The following IMPG1 variants were observed in gnomAD, a reference collection of about 807,000 sequenced individuals.
IMPG1 encodes the protein interphotoreceptor matrix proteoglycan 1.
Under a neutral mutation model 92.0 loss-of-function variants are expected in IMPG1, and 85 were observed. That is an observed-to-expected ratio of 0.92 (90% CI 0.78 to 1.11). The LOEUF is 1.11. IMPG1 is among the 50% of genes least tolerant of loss of function. The probability of loss-of-function intolerance (pLI) is 0.00; values close to 1 mark genes in which losing one functional copy is unlikely to be tolerated. For missense variants in IMPG1, 1,022 were observed against 956.0 expected, an observed-to-expected ratio of 1.07 and a Z score of -0.91; for synonymous variants, 367 against 334.1, an observed-to-expected ratio of 1.10 and a Z score of -1.08.
intron 12 of IMPG1, among the ~76,000 whole-genome samples, chr6:75,959,388 C>A (rs1042219151): frequency 7.9e-5 from 12 of 152,188 alleles, no homozygotes; most frequent in African/African-American, 2.9e-4. Flanking sequence ...TATCAGAGCT[C>A]AAGTGCTGTA....
chr6:76,007,876 A>T (rs965381232), intron 8 of IMPG1, among the ~76,000 whole-genome samples: 8 of 152,214 alleles, frequency 5.3e-5, no homozygotes, highest in African/African-American at 1.2e-4. Flanking sequence ...AGAACATTTT[A>T]AAAAAGTATT....
Position 75,951,027 on chromosome 6 carries a change from T to C in IMPG1, c.1359A>G (p.Ala453=). The C allele has an allele frequency of 1.2e-6, 2 of 1,613,770 alleles. No individual in the cohort carries two copies. The highest frequency in any genetic ancestry group is 1.7e-6 in the Non-Finnish European group (2 of 1,179,840). ...SLSEAPPFFM[A]SSIFSLTDQG... ...GATCAGTCAGAGAGAAGATGCTTGATGCCATAAAGAAAGGTGGAGCTTCTG... is the reference window on the plus strand; with the variant it reads ...GATCAGTCAGAGAGAAGATGCTTGACGCCATAAAGAAAGGTGGAGCTTCTG... Residue 453 remains alanine, a synonymous_variant, in exon 13 of 17, where the codon GCA becomes GCG. Coordinates refer to ENST00000369950, the MANE Select transcript of IMPG1 (RefSeq NM_001563.4).
At chr6:76,026,069 C>T (rs940586895) in intron 4 of IMPG1, among the ~76,000 whole-genome samples, 2 of 152,124 alleles carry the variant, frequency 1.3e-5, no homozygotes, top group African/African-American at 4.8e-5. Context: ...TGTGTGGAAC[C>T]TGGGATTCAA....
chr6:76,026,631 C>T (rs537791596), intron 4 of IMPG1, among the ~76,000 whole-genome samples: 6 of 152,364 alleles, frequency 3.9e-5, no homozygotes, highest in East Asian at 3.9e-4. Flanking sequence ...TCAGCTCCAT[C>T]GGACAGTAAT....
intron 9 of IMPG1, 103 bp from the exon 10 acceptor site, chr6:76,005,637 T>C (rs1783083671): frequency 1.7e-6 from 2 of 1,156,792 alleles, no homozygotes; most frequent in East Asian, 4.7e-5. Context: ...CTTCCACCTC[T>C]TTCCTGATGG....
At chr6:76,065,759 C>A (rs1784298531) in intron 1 of IMPG1, among the ~76,000 whole-genome samples, 1 of 151,968 alleles carries the variant, frequency 6.6e-6, no homozygotes, top group Non-Finnish European at 1.5e-5. Context: ...AAATGAACTT[C>A]ACAGAGATAT....
At chr6:76,067,640 A>G (rs1012576614) in intron 1 of IMPG1, among the ~76,000 whole-genome samples, 1 of 152,176 alleles carries the variant, frequency 6.6e-6, no homozygotes, top group Admixed American at 6.6e-5. Flanking sequence ...TCTTACTGAA[A>G]CTATTTCAAA....
At chr6:76,057,174 A>G (rs1328285483) in intron 1 of IMPG1, among the ~76,000 whole-genome samples, 1 of 152,120 alleles carries the variant, frequency 6.6e-6, no homozygotes, top group African/African-American at 2.4e-5. Context: ...GCATCAAGAA[A>G]AATAGCTAAT....
chr6:75,967,566 G>A (rs1264159380), intron 12 of IMPG1, among the ~76,000 whole-genome samples: 1 of 152,254 alleles, frequency 6.6e-6, no homozygotes, highest in Admixed American at 6.5e-5. Context: ...TAATCACCCA[G>A]TATGAGGTAT....
chr6:76,054,315 T>C lies in IMPG1; in HGVS notation c.68-12189A>G, dbSNP rs150585961. On this transcript the variant is annotated intron_variant, in intron 1 of 16. Transcript: ENST00000369950. Reference sequence around the variant, plus strand: ...GGTTTAGTGCTAGGCCTGGTAGGAATTGGATTGCCTGATTTAGCAAATAAA... The same window carrying C: ...GGTTTAGTGCTAGGCCTGGTAGGAACTGGATTGCCTGATTTAGCAAATAAA... Among the ~76,000 whole-genome samples the C allele has an allele frequency of 4.0e-4, 61 of 152,240 alleles. No individual in the cohort carries two copies. The East Asian group carries it at 0.011, about 28-fold the overall frequency.
chr6:75,943,134 AT>A (rs1022748720), intron 14 of IMPG1, among the ~76,000 whole-genome samples: 1 of 152,000 alleles, frequency 6.6e-6, no homozygotes, highest in Admixed American at 6.6e-5. Flanking sequence ...GTGTTTGTGA[AT>A]CTGTGTTTGT....
At chr6:75,964,048 G>C (rs1395084380) in intron 12 of IMPG1, among the ~76,000 whole-genome samples, 1 of 152,134 alleles carries the variant, frequency 6.6e-6, no homozygotes, top group Non-Finnish European at 1.5e-5. Flanking sequence ...GATGCTTTGG[G>C]GAAAAAGCAC....
intron 12 of IMPG1, among the ~76,000 whole-genome samples, chr6:75,964,693 A>G (rs113595146): frequency 1.5e-4 from 21 of 142,508 alleles, no homozygotes; most frequent in African/African-American, 3.0e-4. Context: ...AAAAAAAAAA[A>G]AGAGAGAGAG....
chr6:75,980,146 A>G (rs1205783634), intron 12 of IMPG1, among the ~76,000 whole-genome samples: 2 of 152,244 alleles, frequency 1.3e-5, no homozygotes, highest in Non-Finnish European at 2.9e-5. Flanking sequence ...GATGTGCCAC[A>G]AAATGTGAAA....
At chr6:76,012,634 G>A (rs73466869) in intron 7 of IMPG1, among the ~76,000 whole-genome samples, 5,135 of 152,234 alleles carry the variant, frequency 0.034, 283 homozygotes, top group African/African-American at 0.12. Context: ...GAGAGAGCAG[G>A]GTGAAAGGTG....
At chr6:75,999,523 AG>A (rs1782951583) in intron 12 of IMPG1, among the ~76,000 whole-genome samples, 1 of 152,174 alleles carries the variant, frequency 6.6e-6, no homozygotes, top group South Asian at 2.1e-4. Context: ...TTTATGAGGG[AG>A]GGAAGGCTTG....
At chr6:76,056,733 G>C (rs1228035865) in intron 1 of IMPG1, among the ~76,000 whole-genome samples, 1 of 152,248 alleles carries the variant, frequency 6.6e-6, no homozygotes, top group East Asian at 1.9e-4. Context: ...ACAAGTGTGA[G>C]GTAATAGCTC....
At chr6:75,924,551 TTAATA>T (rs368672128) in intron 15 of IMPG1, among the ~76,000 whole-genome samples, 582 of 23,220 alleles carry the variant, frequency 0.025, 94 homozygotes, top group Middle Eastern at 0.062. Context: ...TATAATATAA[TTAATA>T]TAATTATATA....
chr6:75,996,073 T>C (rs772678088), intron 12 of IMPG1, among the ~76,000 whole-genome samples: 7 of 152,232 alleles, frequency 4.6e-5, no homozygotes, highest in Non-Finnish European at 7.3e-5. Flanking sequence ...TGTGGTGTCC[T>C]GGAACATAAA....
Sources: gnomAD v4.1 joint callset for allele counts (sites outside exome capture counted in the v4.1 genomes callset) on GRCh38, gnomAD v4.1.1 for gene constraint, MANE v1.5 for transcripts, NCBI Gene and HGNC (gene_info 2026-07-23, HGNC 2026-07-21) for gene names.